MAST4: variants seen among roughly 807,000 people sequenced by gnomAD.
MAST4 encodes the protein microtubule associated serine/threonine kinase family member 4, also known as microtubule-associated serine/threonine-protein kinase 4.
Under a neutral mutation model 162.7 loss-of-function variants are expected in MAST4, and 89 were observed. The ratio of observed to expected loss-of-function variants is 0.55; its 90% confidence interval spans 0.46 to 0.65. The LOEUF (loss-of-function observed/expected upper bound fraction) is 0.65. MAST4 is among the 30% of genes least tolerant of loss of function. MAST4 has a pLI of 0.00. For synonymous variants in MAST4, 1,479 were observed against 1,361.1 expected, an observed-to-expected ratio of 1.09 and a Z score of -1.91; for missense variants, 3,153 against 3,374.0, an observed-to-expected ratio of 0.93 and a Z score of 1.62.
chr5:67,153,011 G>A, intron 25 of MAST4, 145 bp downstream of exon 25: 2 of 667,856 alleles, frequency 3.0e-6, no homozygotes, highest in Non-Finnish European at 5.2e-6. Context: ...CTCCATCCCT[G>A]TATGTGTATG....
intron 1 of MAST4, among the ~76,000 whole-genome samples, chr5:66,682,040 G>A (rs1443625701): frequency 6.6e-6 from 1 of 152,142 alleles, no homozygotes; most frequent in African/African-American, 2.4e-5. Context: ...GCTTACATGT[G>A]TACAAAGGTG....
At chr5:67,027,082 C>T (rs1754741365) in intron 4 of MAST4, among the ~76,000 whole-genome samples, 2 of 151,794 alleles carry the variant, frequency 1.3e-5, no homozygotes, top group African/African-American at 2.4e-5. Flanking sequence ...TGTAAAATAT[C>T]AGAGTTATTG....
intron 3 of MAST4, among the ~76,000 whole-genome samples, chr5:66,898,694 G>A (rs1037164222): frequency 4.6e-5 from 7 of 152,194 alleles, no homozygotes; most frequent in Non-Finnish European, 8.8e-5. Context: ...GAAAGAAGAC[G>A]ACACTTCATT....
In MAST4 at chr5:66,696,357, T is replaced by TA. The variant is rs533804688; in HGVS notation, c.364-63339dup. Among the ~76,000 whole-genome samples, 1,218 of 145,914 alleles carry TA rather than the reference T, an allele frequency of 8.3e-3. 4 individuals are homozygous for TA. Among genetic ancestry groups the TA allele is most frequent in the South Asian group, 0.034 (154 of 4,592 alleles). On this transcript the variant is annotated intron_variant, in intron 1 of 28. Transcript: ENST00000403625. ...GTCTTCCACGTGTATCCCAGAACTT[T>TA]AAAAAAAAAAAAATCTGTACTCATT... is the stretch of plus-strand genomic sequence containing the variant.
chr5:67,140,181 A>G (rs1266450619), intron 19 of MAST4, among the ~76,000 whole-genome samples: 1 of 152,240 alleles, frequency 6.6e-6, no homozygotes, highest in Non-Finnish European at 1.5e-5. Flanking sequence ...TAGTGGAACC[A>G]TCACTGCACT....
At chr5:66,626,158 A>G (rs1744413923) in intron 1 of MAST4, among the ~76,000 whole-genome samples, 3 of 9,272 alleles carry the variant, frequency 3.2e-4, no homozygotes, top group African/African-American at 2.0e-3. Context: ...GTTTCAGTTA[A>G]CGGTAGATGA....
At chr5:66,892,666 C>G (rs1423465) in intron 3 of MAST4, among the ~76,000 whole-genome samples, 20,381 of 151,934 alleles carry the variant, frequency 0.13, 1,548 homozygotes, top group Admixed American at 0.16. Context: ...TTATCAGTAC[C>G]AGCCCTCCCT....
chr5:66,641,253 G>A (rs1296946247), intron 1 of MAST4, among the ~76,000 whole-genome samples: 2 of 152,124 alleles, frequency 1.3e-5, no homozygotes, highest in Admixed American at 6.6e-5. Context: ...ATGGGTACAA[G>A]CAATTCTTGT....
At chr5:66,754,804 G>C (rs923086429) in intron 1 of MAST4, among the ~76,000 whole-genome samples, 1 of 152,178 alleles carries the variant, frequency 6.6e-6, no homozygotes, top group African/African-American at 2.4e-5. Flanking sequence ...AAGGTTGAGC[G>C]TGCTGTTTTA....
intron 2 of MAST4, among the ~76,000 whole-genome samples, chr5:66,781,236 T>A (rs2149660658): frequency 6.6e-6 from 1 of 152,316 alleles, no homozygotes; most frequent in Non-Finnish European, 1.5e-5. Flanking sequence ...AAGGGAGATT[T>A]TACTAGACAC....
chr5:67,104,271 AG>A (rs745347505), intron 9 of MAST4, 94 bp from the exon 10 acceptor site: 77 of 923,446 alleles, frequency 8.3e-5, no homozygotes, highest in Non-Finnish European at 1.3e-4. Flanking sequence ...CAACTTGTGG[AG>A]GTCTCTGAAA....
intron 21 of MAST4, among the ~76,000 whole-genome samples, chr5:67,143,998 A>C (rs1272314875): frequency 6.6e-6 from 1 of 151,918 alleles, no homozygotes; most frequent in Non-Finnish European, 1.5e-5. Flanking sequence ...CCCCCATTTT[A>C]CCTTCTCTCT....
At chr5:66,700,781 T>TTA (rs60991449) in intron 1 of MAST4, among the ~76,000 whole-genome samples, 89 of 142,818 alleles carry the variant, frequency 6.2e-4, no homozygotes, top group Middle Eastern at 3.7e-3. Context: ...AAAAAAAAAA[T>TTA]TATATATATA....
intron 3 of MAST4, among the ~76,000 whole-genome samples, chr5:66,876,839 G>A (rs1561405345): frequency 6.6e-6 from 1 of 152,164 alleles, no homozygotes; most frequent in African/African-American, 2.4e-5. Flanking sequence ...ATGGGGGAAT[G>A]TCATAGAGTA....
chr5:66,784,239 C>T (rs1755008089), intron 2 of MAST4, among the ~76,000 whole-genome samples: 1 of 152,038 alleles, frequency 6.6e-6, no homozygotes, highest in Non-Finnish European at 1.5e-5. Context: ...TGCTCCTGGC[C>T]AGTTTGCCAT....
chr5:66,895,331 T>C (rs1041336933), intron 3 of MAST4, among the ~76,000 whole-genome samples: 1 of 152,140 alleles, frequency 6.6e-6, no homozygotes, highest in Non-Finnish European at 1.5e-5. Context: ...CTGTTTTCCT[T>C]TTTCTATCAC....
intron 1 of MAST4, among the ~76,000 whole-genome samples, chr5:66,652,302 C>A (rs1284798485): frequency 1.3e-5 from 2 of 152,122 alleles, no homozygotes; most frequent in East Asian, 3.8e-4. Context: ...ATGTAAGCTG[C>A]ATGAAGGAGA....
rs139233547 is a variant in MAST4, at chr5:66,854,508, G to C, written c.643-45443G>C. On this transcript the variant is annotated intron_variant, in intron 3 of 28. Transcript: ENST00000403625. ...GCAGCTACTTCAAGGCTGGACTGGG[G>C]CACCACCTGCTTTCCAAGCCCACTT... Among the ~76,000 whole-genome samples, 320 of 152,226 alleles carry C rather than the reference G, an allele frequency of 2.1e-3. 1 individual carries two copies. Among genetic ancestry groups the C allele is most frequent in the African/African-American group, 7.5e-3 (312 of 41,552 alleles).
chr5:66,981,855 A>G (rs986223335), intron 4 of MAST4, among the ~76,000 whole-genome samples: 2 of 152,204 alleles, frequency 1.3e-5, no homozygotes, highest in African/African-American at 4.8e-5. Context: ...TGGCTCAGTA[A>G]TTGTTAAGTG....
Sources: gnomAD v4.1 joint callset for allele counts (sites outside exome capture counted in the v4.1 genomes callset) on GRCh38, gnomAD v4.1.1 for gene constraint, MANE v1.5 for transcripts, NCBI Gene and HGNC (gene_info 2026-07-23, HGNC 2026-07-21) for gene names.